Variants in DSCAM observed in about 807,000 individuals in gnomAD.
DSCAM encodes the protein cell adhesion molecule DSCAM.
In DSCAM, 47 loss-of-function variants were observed where a neutral mutation model predicts 217.7. The observed-to-expected ratio is 0.22, with a 90% CI of 0.17 to 0.28. The LOEUF is 0.28. Among genes scored for constraint, DSCAM ranks in the 10% least tolerant of loss-of-function variants. The probability of loss-of-function intolerance (pLI) is 1.00; values close to 1 mark genes in which losing one functional copy is unlikely to be tolerated. For synonymous variants in DSCAM, 1,056 were observed against 1,015.3 expected (o/e 1.04, Z -0.76); for missense variants, 2,080 against 2,618.3 (o/e 0.79, Z 4.49).
intron 11 of DSCAM, among the ~76,000 whole-genome samples, chr21:40,243,320 T>C (rs2073178555): frequency 2.0e-5 from 3 of 152,228 alleles, no homozygotes; most frequent in Non-Finnish European, 4.4e-5. Context: ...GGGGATGGAT[T>C]GAGCATTTCC....
intron 9 of DSCAM, among the ~76,000 whole-genome samples, chr21:40,301,215 G>A (rs2123461340): frequency 6.6e-6 from 1 of 152,200 alleles, no homozygotes; most frequent in Non-Finnish European, 1.5e-5. Flanking sequence ...CTTCACTCAG[G>A]GACCTAAAGG....
intron 6 of DSCAM, among the ~76,000 whole-genome samples, chr21:40,343,721 T>C (rs562563097): frequency 7.2e-5 from 11 of 152,186 alleles, no homozygotes; most frequent in African/African-American, 2.4e-4. Flanking sequence ...AAAGTTAAGA[T>C]TGCAGTACTT....
chr21:40,106,676 A>G (rs2089824999), intron 20 of DSCAM, among the ~76,000 whole-genome samples: 3 of 152,054 alleles, frequency 2.0e-5, no homozygotes, highest in Admixed American at 1.3e-4. Context: ...CGGGGATTCA[A>G]TTTCTTCCTA....
intron 27 of DSCAM, among the ~76,000 whole-genome samples, chr21:40,066,934 T>G (rs571384047): frequency 5.3e-5 from 8 of 152,232 alleles, no homozygotes; most frequent in Non-Finnish European, 8.8e-5. Context: ...AATTAATCTA[T>G]TGTTGTTGAA....
At chr21:40,092,971 T>C (rs1477391643) in intron 21 of DSCAM, among the ~76,000 whole-genome samples, 1 of 152,220 alleles carries the variant, frequency 6.6e-6, no homozygotes, top group African/African-American at 2.4e-5. Context: ...AATCTTGGAA[T>C]GTTCATTCTT....
intron 8 of DSCAM, among the ~76,000 whole-genome samples, chr21:40,316,555 G>A (rs563778386): frequency 6.6e-6 from 1 of 152,236 alleles, no homozygotes; most frequent in South Asian, 2.1e-4. Flanking sequence ...CCTGATTCAT[G>A]ATATCACCTA....
At position 40,429,335 on chromosome 21, in the gene DSCAM, C is replaced by T. The variant is rs144574111; in HGVS notation, c.509-60090G>A. Among the ~76,000 whole-genome samples, 11 of 151,536 alleles carry T rather than the reference C, an allele frequency of 7.3e-5. No individual in the cohort carries two copies. The South Asian group carries it at 8.3e-4, about 11-fold the overall frequency. On this transcript the variant is annotated intron_variant, in intron 3 of 32. Transcript: ENST00000400454. The stretch of plus-strand genomic sequence containing the variant: ...AGGCTGGAGTACAGTGGCGTGATCT[C>T]GGCTCACTGCAACCTCTGTCTCCCG...
intron 1 of DSCAM, among the ~76,000 whole-genome samples, chr21:40,727,054 T>C (rs1294607506): frequency 1.3e-5 from 2 of 152,218 alleles, no homozygotes; most frequent in African/African-American, 4.8e-5. Context: ...ATCATTTCTC[T>C]ATAATACCAG....
chr21:40,357,442 G>T (rs758968052), intron 4 of DSCAM, among the ~76,000 whole-genome samples: 2 of 152,142 alleles, frequency 1.3e-5, no homozygotes, highest in Non-Finnish European at 2.9e-5. Flanking sequence ...TGGGTTCAGT[G>T]AACTAGAAGA....
chr21:40,470,923 C>T (rs1455772831), intron 3 of DSCAM, among the ~76,000 whole-genome samples: 1 of 152,178 alleles, frequency 6.6e-6, no homozygotes, highest in African/African-American at 2.4e-5. Context: ...TCTTAGAATG[C>T]CACATGTAGA....
intron 15 of DSCAM, among the ~76,000 whole-genome samples, chr21:40,178,620 T>A (rs1214710491): frequency 1.3e-5 from 2 of 152,138 alleles, no homozygotes; most frequent in Non-Finnish European, 2.9e-5. Context: ...GGATTCCATG[T>A]GTCCAAACAA....
chr21:40,813,819 G>A (rs748084300), intron 1 of DSCAM, among the ~76,000 whole-genome samples: 27 of 151,806 alleles, frequency 1.8e-4, no homozygotes, highest in Non-Finnish European at 2.9e-4. Context: ...GCTAATTTTT[G>A]TATTTTTAGT....
chr21:40,023,002 C>T (rs1393840003), intron 32 of DSCAM, among the ~76,000 whole-genome samples: 1 of 151,682 alleles, frequency 6.6e-6, no homozygotes, highest in African/African-American at 2.4e-5. Context: ...AGGTATATCT[C>T]CCAGTGCTAT....
chr21:40,217,917 G>A (rs2091257929), intron 11 of DSCAM, among the ~76,000 whole-genome samples: 1 of 152,012 alleles, frequency 6.6e-6, no homozygotes, highest in South Asian at 2.1e-4. Context: ...TTTACCAGAT[G>A]CATAGTTTTC....
chr21:40,531,014 G>A (rs913533443), intron 3 of DSCAM, among the ~76,000 whole-genome samples: 2 of 152,034 alleles, frequency 1.3e-5, no homozygotes, highest in African/African-American at 2.4e-5. Flanking sequence ...TATGTACAAG[G>A]AGTGCCCTGC....
chr21:40,222,801 A>G (rs976037341), intron 11 of DSCAM, among the ~76,000 whole-genome samples: 3 of 152,210 alleles, frequency 2.0e-5, no homozygotes, highest in African/African-American at 7.2e-5. Flanking sequence ...AGCCCTTTGG[A>G]ATCTTCAAGA....
At chr21:40,367,428 A>T (rs2074844917) in intron 4 of DSCAM, among the ~76,000 whole-genome samples, 1 of 152,180 alleles carries the variant, frequency 6.6e-6, no homozygotes, top group South Asian at 2.1e-4. Flanking sequence ...AAACACCAAC[A>T]TGTTTCCACC....
intron 11 of DSCAM, among the ~76,000 whole-genome samples, chr21:40,196,353 C>T (rs564947732): frequency 3.0e-4 from 45 of 152,256 alleles, no homozygotes; most frequent in South Asian, 2.1e-4. Flanking sequence ...AATGGGATCA[C>T]GGGCTCTCAA....
intron 3 of DSCAM, chr21:40,383,572 C>G (rs2837597): frequency 0.47 from 71,054 of 152,022 alleles, 17,545 homozygotes; most frequent in South Asian, 0.64. Context: ...ATTCTCAGCA[C>G]GTTTTTGCAG....
Sources: allele counts gnomAD v4.1 joint callset (sites outside exome capture counted in the v4.1 genomes callset), GRCh38; gene constraint gnomAD v4.1.1; transcripts MANE v1.5; gene names NCBI Gene and HGNC (gene_info 2026-07-23, HGNC 2026-07-21).